DIAPH1: variants seen among roughly 807,000 people sequenced by gnomAD.
The protein encoded by DIAPH1 is protein diaphanous homolog 1.
DIAPH1 carries 46 observed loss-of-function variants against 140.7 expected under a neutral mutation model. The ratio of observed to expected loss-of-function variants is 0.33; its 90% CI spans 0.26 to 0.42. The LOEUF (loss-of-function observed/expected upper bound fraction) is 0.42, where lower values mean the gene tolerates loss of function less well. Ranked by LOEUF, DIAPH1 falls within the 10% of genes least tolerant of loss-of-function variation. The pLI is 1.00. For missense variants in DIAPH1, 1,310 were observed against 1,558.7 expected, an observed-to-expected ratio of 0.84 and a Z score of 2.69; for synonymous variants, 565 against 551.6, an observed-to-expected ratio of 1.02 and a Z score of -0.34.
Position 141,527,714 on chromosome 5 carries a change from A to AAAAAAAAAAT in DIAPH1, c.3149-18_3149-17insATTTTTTTTT. The AAAAAAAAAAT allele has an allele frequency of 6.4e-7, 1 of 1,566,978 alleles. No individual in the cohort carries two copies. The highest frequency in any genetic ancestry group is 8.6e-7 in the Non-Finnish European group (1 of 1,158,626). ...CAGCAGAAACTAAAAAAAAAAAAAA[A>AAAAAAAAAAT]AAAAAAAACCATAAAAACAGACAGC... On this transcript the variant is annotated splice_polypyrimidine_tract_variant and intron_variant, in intron 23 of 27. Transcript: ENST00000389054.
chr5:141,580,786 T>G lies in DIAPH1; in HGVS notation c.782A>C (p.Lys261Thr). 1 of 1,614,206 alleles carries G rather than the reference T, an allele frequency of 6.2e-7. No individual in the cohort carries two copies. Among genetic ancestry groups the G allele is most frequent in the South Asian group, 1.1e-5 (1 of 91,090 alleles). Residue 261 changes from lysine (K) to threonine (T), a missense_variant, in exon 8 of 28, where the codon AAG (lysine) becomes ACG (threonine). Lys to Thr is a moderately conservative substitution (Grantham distance 78, BLOSUM62 -1). Transcript: ENST00000389054. ...TAGAATACAAAGAGCAGAAAGCAGCTTAGCTGCATCAATCATCATGTTGGG... is the reference window on the plus strand; with the variant it reads ...TAGAATACAAAGAGCAGAAAGCAGCGTAGCTGCATCAATCATCATGTTGGG... Reference protein sequence around the residue: ...AVPNMMIDAAKLLSALCILPQ... With the variant: ...AVPNMMIDAATLLSALCILPQ...
chr5:141,544,933 A>G (rs2099890558), intron 18 of DIAPH1, among the ~76,000 whole-genome samples: 1 of 152,262 alleles, frequency 6.6e-6, no homozygotes, highest in African/African-American at 2.4e-5. Context: ...TTGTCTAGAC[A>G]AAATCCTGTA....
chr5:141,562,148 T>TA (rs2099893636), intron 18 of DIAPH1, among the ~76,000 whole-genome samples: 1 of 152,048 alleles, frequency 6.6e-6, no homozygotes, highest in Admixed American at 6.6e-5. Context: ...GAGTTTTTTT[T>TA]AGGAAGATCA....
intron 1 of DIAPH1, among the ~76,000 whole-genome samples, chr5:141,609,378 C>A (rs1453827888): frequency 2.0e-5 from 3 of 152,144 alleles, no homozygotes; most frequent in East Asian, 1.9e-4. Flanking sequence ...ACACTGCAGG[C>A]ACAAAAACTG....
At chr5:141,564,719 CA>C (rs1204361300) in intron 18 of DIAPH1, 1 of 152,104 alleles carries the variant, frequency 6.6e-6, no homozygotes, top group East Asian at 1.9e-4. Context: ...CTGTCAGAAA[CA>C]AAAGAAGAGT....
At chr5:141,590,147 T>C (rs1340884124) in intron 1 of DIAPH1, among the ~76,000 whole-genome samples, 1 of 152,206 alleles carries the variant, frequency 6.6e-6, no homozygotes, top group Non-Finnish European at 1.5e-5. Context: ...AAGAAAAATC[T>C]ACATTATTAT....
chr5:141,534,565 AC>A, intron 18 of DIAPH1, 132 bp from the exon 19 acceptor site: 1 of 711,820 alleles, frequency 1.4e-6, no homozygotes, highest in Non-Finnish European at 2.5e-6. Context: ...TTCCTTCAAA[AC>A]TAACCTCCTC....
At chr5:141,553,641 C>T (rs2099892096) in intron 18 of DIAPH1, among the ~76,000 whole-genome samples, 1 of 151,668 alleles carries the variant, frequency 6.6e-6, no homozygotes, top group African/African-American at 2.4e-5. Context: ...AAAACTCTAT[C>T]TCAAAAAAAC....
At chr5:141,604,030 C>A (rs7731910) in intron 1 of DIAPH1, among the ~76,000 whole-genome samples, 23,104 of 152,094 alleles carry the variant, frequency 0.15, 1,765 homozygotes, top group South Asian at 0.2. Flanking sequence ...TCCATCCATA[C>A]AAACTGCCAG....
At position 141,603,953 on chromosome 5, in the gene DIAPH1, C is replaced by T. The variant is rs374365901; in HGVS notation, c.117+14845G>A. Among the ~76,000 whole-genome samples, 8 of 152,334 alleles carry T rather than the reference C, an allele frequency of 5.3e-5. No individual in the cohort carries two copies. In the East Asian group the frequency reaches 1.3e-3, roughly 26 times the overall value. On this transcript the variant is annotated intron_variant, in intron 1 of 27. Coordinates refer to ENST00000389054, the MANE Select transcript of DIAPH1 (RefSeq NM_005219.5). The stretch of plus-strand genomic sequence containing the variant: ...CCAGAGGGAAGGAGGAAAGGCCACG[C>T]TGGTATCACTATTCCAGCACAGCAG...
intron 18 of DIAPH1, among the ~76,000 whole-genome samples, chr5:141,562,624 C>CAA (rs199841554): frequency 4.0e-4 from 56 of 139,606 alleles, no homozygotes; most frequent in East Asian, 2.4e-3. Context: ...AAAAAACAAA[C>CAA]AAAAAAAAAC....
intron 18 of DIAPH1, chr5:141,562,036 TC>T (rs1321283112): frequency 2.0e-5 from 3 of 152,222 alleles, no homozygotes; most frequent in African/African-American, 7.2e-5. Context: ...ACTTTGCAAG[TC>T]TCTCTTCCCC....
chr5:141,564,354 A>G (rs1453277170), intron 18 of DIAPH1: 1 of 152,238 alleles, frequency 6.6e-6, no homozygotes, highest in African/African-American at 2.4e-5. Context: ...CATCACTACC[A>G]AACGCAACAA....
chr5:141,572,159 A>G lies in DIAPH1; in HGVS notation c.2359-119T>C, dbSNP rs2099895284. On this transcript the variant is annotated intron_variant, in intron 16 of 27. Transcript: ENST00000389054. The stretch of plus-strand genomic sequence containing the variant: ...TGATTATCAGCAATGTCTTACTAGA[A>G]TAAGACTAACTTGAGGCACAGAATA... 5.0e-5 allele frequency: 37 copies of G among 739,684 alleles called. 1 individual carries two copies. Among genetic ancestry groups the G allele is most frequent in the South Asian group, 3.9e-4 (27 of 68,982 alleles). 45.8% of individuals were successfully genotyped at this position (739,684 alleles called of 1,614,324 possible). A position where few individuals can be genotyped will look rare whatever the true frequency, so the allele number is the denominator to read the frequency against.
chr5:141,552,575 A>G (rs543897157), intron 18 of DIAPH1, among the ~76,000 whole-genome samples: 5 of 152,256 alleles, frequency 3.3e-5, no homozygotes, highest in Non-Finnish European at 5.9e-5. Flanking sequence ...CAGCCCTGCC[A>G]ACATTTCGAT....
At chr5:141,580,085 C>T (rs2099896527) in intron 8 of DIAPH1, among the ~76,000 whole-genome samples, 1 of 151,998 alleles carries the variant, frequency 6.6e-6, no homozygotes. Flanking sequence ...TAAGTACCGA[C>T]ATAGAAGAAA....
At chr5:141,525,152 T>TA (rs2099887124) in intron 26 of DIAPH1, among the ~76,000 whole-genome samples, 2 of 152,138 alleles carry the variant, frequency 1.3e-5, no homozygotes, top group South Asian at 4.2e-4. Context: ...GGCTTACAAC[T>TA]AAGGGCAAGG....
At chr5:141,612,093 T>C (rs1218506293) in intron 1 of DIAPH1, among the ~76,000 whole-genome samples, 1 of 151,734 alleles carries the variant, frequency 6.6e-6, no homozygotes. Context: ...AATAAATAAA[T>C]AAATAAAGCA....
intron 18 of DIAPH1, among the ~76,000 whole-genome samples, chr5:141,540,952 C>A (rs973525173): frequency 2.6e-5 from 4 of 152,074 alleles, no homozygotes; most frequent in African/African-American, 9.7e-5. Context: ...CCCAGCTACT[C>A]TGGAGGCTGA....
Sources: gnomAD v4.1 joint callset for allele counts (sites outside exome capture counted in the v4.1 genomes callset) on GRCh38, gnomAD v4.1.1 for gene constraint, MANE v1.5 for transcripts, NCBI Gene and HGNC (gene_info 2026-07-23, HGNC 2026-07-21) for gene names.